DPH6: variants seen among roughly 807,000 people sequenced by gnomAD.
DPH6 encodes the protein diphthamine biosynthesis 6, also known as diphthine--ammonia ligase.
A neutral mutation model predicts 38.2 loss-of-function variants in DPH6; 33 were observed. The observed-to-expected ratio is 0.86, with a 90% CI of 0.65 to 1.15. The LOEUF (loss-of-function observed/expected upper bound fraction) is 1.15, where lower values mean the gene tolerates loss of function less well. Among genes scored for constraint, DPH6 ranks in the 50% most tolerant of loss-of-function variants. DPH6 has a pLI of 0.00. For synonymous variants in DPH6, 108 were observed against 103.0 expected, an observed-to-expected ratio of 1.05 and a Z score of -0.30; for missense variants, 325 against 320.0, an observed-to-expected ratio of 1.02 and a Z score of -0.12.
downstream of DPH6, among the ~76,000 whole-genome samples, chr15:35,327,535 C>T (rs563077675): frequency 5.9e-5 from 9 of 152,002 alleles, no homozygotes; most frequent in Non-Finnish European, 1.0e-4. Flanking sequence ...TTAGTAGAGA[C>T]GGGGTTTCAC....
At chr15:35,539,726 C>T (rs2055223935) in intron 2 of DPH6, among the ~76,000 whole-genome samples, 1 of 151,788 alleles carries the variant, frequency 6.6e-6, no homozygotes, top group African/African-American at 2.4e-5. Flanking sequence ...GAATATAAGC[C>T]AAACAGGTCC....
chr15:35,282,252 G>A (rs1363883225), intron 3 of DPH6, among the ~76,000 whole-genome samples: 2 of 152,114 alleles, frequency 1.3e-5, no homozygotes, highest in Non-Finnish European at 1.5e-5. Flanking sequence ...GCTCACTACA[G>A]CCTGGAACTC....
At chr15:35,494,102 T>C (rs950013783) in intron 3 of DPH6, among the ~76,000 whole-genome samples, 1 of 152,100 alleles carries the variant, frequency 6.6e-6, no homozygotes, top group East Asian at 1.9e-4. Context: ...TGGGATAAAA[T>C]AGTATTATGA....
At chr15:35,502,717 T>C (rs1325689475) in intron 3 of DPH6, among the ~76,000 whole-genome samples, 1 of 151,658 alleles carries the variant, frequency 6.6e-6, no homozygotes, top group Non-Finnish European at 1.5e-5. Context: ...TTATATGCAA[T>C]AAAGAAAAAT....
At chr15:35,357,971 AAT>A (rs1259952742) in intron 3 of DPH6, among the ~76,000 whole-genome samples, 8 of 152,146 alleles carry the variant, frequency 5.3e-5, no homozygotes, top group Admixed American at 4.6e-4. Context: ...TGTTCCCCCA[AAT>A]ATGTTTTCCA....
downstream of DPH6, among the ~76,000 whole-genome samples, chr15:35,213,961 A>T (rs945085350): frequency 6.6e-6 from 1 of 152,078 alleles, no homozygotes; most frequent in Non-Finnish European, 1.5e-5. Flanking sequence ...AAATACAAAA[A>T]ATTAGCCAGA....
intron 3 of DPH6, among the ~76,000 whole-genome samples, chr15:35,491,479 C>T (rs529679098): frequency 6.6e-6 from 1 of 151,156 alleles, no homozygotes; most frequent in East Asian, 2.0e-4. Flanking sequence ...AATCATCTGA[C>T]CTGCCATGGT....
At chr15:35,273,482 A>G (rs1373901226) in intron 3 of DPH6, among the ~76,000 whole-genome samples, 1 of 152,220 alleles carries the variant, frequency 6.6e-6, no homozygotes, top group Non-Finnish European at 1.5e-5. Context: ...ACATGGTTGT[A>G]TATATTAGAA....
chr15:35,212,070 T>C, the DPH6 span, among the ~76,000 whole-genome samples: 4 of 152,174 alleles, frequency 2.6e-5, no homozygotes, highest in Admixed American at 2.6e-4. Flanking sequence ...TGTTTTGAAA[T>C]ATGGACGAAG....
chr15:35,151,383 T>C, the DPH6 span, among the ~76,000 whole-genome samples: 37 of 152,342 alleles, frequency 2.4e-4, no homozygotes, highest in Non-Finnish European at 4.6e-4. Context: ...GTGACATTGA[T>C]GTCTCTGGTC....
chr15:35,296,628 T>C (rs895294992), intron 3 of DPH6, among the ~76,000 whole-genome samples: 12 of 152,234 alleles, frequency 7.9e-5, no homozygotes, highest in African/African-American at 2.2e-4. Flanking sequence ...AGCTCCTGAA[T>C]GTTACTAGAG....
At chr15:35,512,466 T>C (rs1432318095) in intron 3 of DPH6, among the ~76,000 whole-genome samples, 2 of 152,152 alleles carry the variant, frequency 1.3e-5, no homozygotes, top group Non-Finnish European at 2.9e-5. Context: ...GTATAAAGTA[T>C]ACTAAAATCT....
intron 2 of DPH6, among the ~76,000 whole-genome samples, chr15:35,541,907 T>A (rs1271083987): frequency 2.6e-5 from 4 of 152,150 alleles, no homozygotes; most frequent in Non-Finnish European, 1.5e-5. Context: ...GGGAATGCAT[T>A]GCTTTATGCT....
intron 3 of DPH6, among the ~76,000 whole-genome samples, chr15:35,481,554 T>C (rs1011271226): frequency 1.2e-4 from 18 of 152,198 alleles, no homozygotes; most frequent in African/African-American, 4.1e-4. Context: ...TGACTGGATA[T>C]GTAATGAAGA....
At chr15:35,417,435 G>A (rs1402635091) in intron 5 of DPH6, among the ~76,000 whole-genome samples, 1 of 151,692 alleles carries the variant, frequency 6.6e-6, no homozygotes, top group Non-Finnish European at 1.5e-5. Flanking sequence ...GGAAGGTCAG[G>A]GTCATATTAG....
chr15:35,354,195 C>G (rs1052752213), intron 3 of DPH6, among the ~76,000 whole-genome samples: 3 of 152,216 alleles, frequency 2.0e-5, no homozygotes, highest in African/African-American at 7.2e-5. Flanking sequence ...CACGATGGGG[C>G]TTCCTAGAGA....
intron 3 of DPH6, among the ~76,000 whole-genome samples, chr15:35,481,657 T>C (rs2141150380): frequency 6.6e-6 from 1 of 152,224 alleles, no homozygotes; most frequent in Admixed American, 6.5e-5. Context: ...CTGAAATATT[T>C]GCAAATGAAA....
chr15:35,316,241 A>G (rs1340415332), intron 3 of DPH6, among the ~76,000 whole-genome samples: 1 of 152,194 alleles, frequency 6.6e-6, no homozygotes, highest in Non-Finnish European at 1.5e-5. Flanking sequence ...AGATATTCCA[A>G]GTATACTGAT....
At chr15:35,539,258 G>T (rs985693117) in intron 2 of DPH6, among the ~76,000 whole-genome samples, 2 of 151,828 alleles carry the variant, frequency 1.3e-5, no homozygotes, top group South Asian at 4.2e-4. Context: ...TATTTGCAAA[G>T]ATACTTATCA....
Sources: allele counts gnomAD v4.1 joint callset (sites outside exome capture counted in the v4.1 genomes callset), GRCh38; gene constraint gnomAD v4.1.1; transcripts MANE v1.5; gene names NCBI Gene and HGNC (gene_info 2026-07-23, HGNC 2026-07-21).